Variants in MEIS2 observed in about 807,000 individuals in gnomAD.
MEIS2 encodes homeobox protein Meis2.
MEIS2 carries 9 observed loss-of-function variants against 58.6 expected under a neutral mutation model. The ratio of observed to expected loss-of-function variants is 0.15; its 90% CI spans 0.09 to 0.27. The LOEUF is 0.27. Ranked by LOEUF, MEIS2 falls within the 10% of genes least tolerant of loss-of-function variation. MEIS2 has a pLI of 1.00. For synonymous variants in MEIS2, 221 were observed against 228.4 expected (o/e 0.97, Z 0.29); for missense variants, 427 against 635.0 (o/e 0.67, Z 3.52).
chr15:37,045,315 T>A (rs1406250754), intron 7 of MEIS2, among the ~76,000 whole-genome samples: 1 of 152,122 alleles, frequency 6.6e-6, no homozygotes, highest in Non-Finnish European at 1.5e-5. Context: ...CCGTCATCAC[T>A]TCTTTATGCC....
chr15:37,050,368 T>C (rs2062863276), intron 7 of MEIS2, among the ~76,000 whole-genome samples: 1 of 152,198 alleles, frequency 6.6e-6, no homozygotes, highest in South Asian at 2.1e-4. Context: ...CTCTCTTATT[T>C]CTTGAAATAT....
intron 9 of MEIS2, among the ~76,000 whole-genome samples, chr15:36,933,507 C>T (rs998593510): frequency 1.4e-5 from 2 of 145,442 alleles, no homozygotes; most frequent in African/African-American, 5.1e-5. Flanking sequence ...ATTGATACCT[C>T]AGAAAGAGAT....
chr15:36,958,887 C>T (rs2059085820), intron 8 of MEIS2, among the ~76,000 whole-genome samples: 2 of 152,080 alleles, frequency 1.3e-5, no homozygotes, highest in African/African-American at 4.8e-5. Flanking sequence ...TTTTATGGGG[C>T]CACTCAATTC....
chr15:36,938,244 T>C (rs1217919654), intron 9 of MEIS2, among the ~76,000 whole-genome samples: 1 of 152,112 alleles, frequency 6.6e-6, no homozygotes, highest in African/African-American at 2.4e-5. Context: ...TGCAATAACA[T>C]CTATACCCTC....
chr15:37,075,204 C>T (rs950443791), intron 7 of MEIS2, among the ~76,000 whole-genome samples: 1 of 152,150 alleles, frequency 6.6e-6, no homozygotes, highest in East Asian at 1.9e-4. Context: ...TCCATCTATA[C>T]ATTTTGTATA....
At chr15:37,053,935 C>A (rs372849835) in intron 7 of MEIS2, among the ~76,000 whole-genome samples, 16 of 152,226 alleles carry the variant, frequency 1.1e-4, no homozygotes, top group Admixed American at 3.3e-4. Flanking sequence ...TCAAATAATT[C>A]TTTTCAATTA....
At chr15:36,996,754 A>G (rs2060535669) in intron 8 of MEIS2, among the ~76,000 whole-genome samples, 1 of 152,212 alleles carries the variant, frequency 6.6e-6, no homozygotes, top group South Asian at 2.1e-4. Flanking sequence ...CTGGCTTAAG[A>G]GCTGAGGGCT....
At chr15:36,916,774 T>G (rs996162979) in intron 9 of MEIS2, among the ~76,000 whole-genome samples, 1 of 152,176 alleles carries the variant, frequency 6.6e-6, no homozygotes, top group African/African-American at 2.4e-5. Context: ...AATTCATAAC[T>G]TGCTTTCATC....
chr15:36,893,775 T>C (rs181298635), intron 11 of MEIS2, among the ~76,000 whole-genome samples: 92 of 152,290 alleles, frequency 6.0e-4, no homozygotes, highest in African/African-American at 2.1e-3. Flanking sequence ...AGGAAGGAAA[T>C]TGGCTTCATC....
At chr15:37,023,128 T>C (rs1382299943) in intron 8 of MEIS2, among the ~76,000 whole-genome samples, 1 of 152,214 alleles carries the variant, frequency 6.6e-6, no homozygotes, top group African/African-American at 2.4e-5. Flanking sequence ...TGTAATTTAA[T>C]CTATCACAGT....
At chr15:37,095,924 C>G (rs1894167765) in intron 3 of MEIS2, 6 of 461,910 alleles carry the variant, frequency 1.3e-5, no homozygotes, top group Non-Finnish European at 1.6e-5. Flanking sequence ...CCTGGGACCG[C>G]TCGGAGAGGC....
chr15:37,017,348 A>C (rs919082214), intron 8 of MEIS2, among the ~76,000 whole-genome samples: 1 of 152,134 alleles, frequency 6.6e-6, no homozygotes, highest in African/African-American at 2.4e-5. Flanking sequence ...CATCCCTGTA[A>C]TCCCTGCACT....
chr15:36,935,405 T>C (rs945502302), intron 9 of MEIS2, among the ~76,000 whole-genome samples: 6 of 152,056 alleles, frequency 3.9e-5, no homozygotes, highest in African/African-American at 1.4e-4. Flanking sequence ...TAATTACAAA[T>C]ATCCATTTGG....
At position 37,099,683 on chromosome 15, in the gene MEIS2, C is replaced by G. The variant is rs1567303345; in HGVS notation, c.-217G>C. On this transcript the variant is annotated 5_prime_UTR_variant, in exon 1 of 12. Coordinates refer to ENST00000561208, the MANE Select transcript of MEIS2 (RefSeq NM_170675.5). ...GATATTTCTTCTTTTTCTCTTTTTT[C>G]CTCTTCTTCCTCCTCCTCCTGATCT... The G allele has an allele frequency of 1.8e-6, 1 of 542,756 alleles. No individual in the cohort carries two copies. The highest frequency in any genetic ancestry group is 3.1e-6 in the Non-Finnish European group (1 of 317,992). The allele number at this position is 542,756 out of a possible 1,614,324, so 33.6% of individuals were successfully genotyped here. A position where few individuals can be genotyped will look rare whatever the true frequency, so the allele number is the denominator to read the frequency against.
At chr15:37,051,836 GT>G (rs2062932443) in intron 7 of MEIS2, among the ~76,000 whole-genome samples, 1 of 152,176 alleles carries the variant, frequency 6.6e-6, no homozygotes, top group African/African-American at 2.4e-5. Context: ...ATTTATGAAT[GT>G]GTTGATTTAT....
intron 9 of MEIS2, among the ~76,000 whole-genome samples, chr15:36,939,803 G>C (rs2058312206): frequency 6.6e-6 from 1 of 152,102 alleles, no homozygotes; most frequent in African/African-American, 2.4e-5. Context: ...AATGGGATTT[G>C]ACTTATTTAT....
intron 8 of MEIS2, among the ~76,000 whole-genome samples, chr15:36,959,298 T>C (rs2059100343): frequency 6.6e-6 from 1 of 152,172 alleles, no homozygotes. Context: ...GTAACACCCA[T>C]ATCCTACGTC....
chr15:36,891,987 T>TCAGC lies in MEIS2; in HGVS notation c.*182_*185dup. On this transcript the variant is annotated 3_prime_UTR_variant, in exon 12 of 12. Coordinates refer to ENST00000561208, the MANE Select transcript of MEIS2 (RefSeq NM_170675.5). ...CTTTACATGGACAGAATTGTCTCAG[T>TCAGC]CAGCCCATGATTTCACATTTGTGTT... 1 of 656,940 alleles carries TCAGC rather than the reference T, an allele frequency of 1.5e-6. No homozygotes were observed. The highest frequency in any genetic ancestry group is 2.6e-6 in the Non-Finnish European group (1 of 377,840). 40.7% of individuals were successfully genotyped at this position (656,940 alleles called of 1,614,324 possible).
Position 37,023,462 on chromosome 15 carries a change from A to T in MEIS2, c.900+13352T>A, listed in dbSNP as rs141448316. Among the ~76,000 whole-genome samples the T allele has an allele frequency of 4.4e-3, 675 of 152,238 alleles. 3 individuals carry two copies. The highest frequency in any genetic ancestry group is 5.9e-3 in the Non-Finnish European group (404 of 67,998). On this transcript the variant is annotated intron_variant, in intron 8 of 11. Coordinates refer to ENST00000561208, the MANE Select transcript of MEIS2 (RefSeq NM_170675.5). ...ATTTTTCTTTTCCAAAAATATCTTG[A>T]CTTTTCTTAGTTGTTTTATTATTCA...
Sources: gnomAD v4.1 joint callset for allele counts (sites outside exome capture counted in the v4.1 genomes callset) on GRCh38, gnomAD v4.1.1 for gene constraint, MANE v1.5 for transcripts, NCBI Gene and HGNC (gene_info 2026-07-23, HGNC 2026-07-21) for gene names.